Variants in ZC3H11B observed in about 807,000 individuals in gnomAD.
ZC3H11B encodes the protein zinc finger CCCH domain-containing protein 11B.
Under a neutral mutation model 34.0 loss-of-function variants are expected in ZC3H11B, and 3 were observed. The observed-to-expected ratio is 0.09, with a 90% CI of 0.04 to 0.23. The LOEUF (loss-of-function observed/expected upper bound fraction) is 0.23. ZC3H11B is among the 10% of genes least tolerant of loss of function. ZC3H11B has a pLI of 1.00. For missense variants in ZC3H11B, 99 were observed against 660.1 expected (o/e 0.15, Z 9.31); for synonymous variants, 33 against 250.1 (o/e 0.13, Z 8.19).
At chr1:219,609,893 T>C (rs1250503989) in exon 2 of ZC3H11B, 7 of 1,614,034 alleles carry the variant, frequency 4.3e-6, no homozygotes, top group Non-Finnish European at 5.9e-6. Context: ...AGACTGTCTC[T>C]AGGATTTTCT....
exon 2 of ZC3H11B, chr1:219,609,473 G>A (rs1667965583): frequency 1.8e-6 from 1 of 552,552 alleles, no homozygotes; most frequent in Admixed American, 3.3e-5. Flanking sequence ...TGACCCCAAG[G>A]AATCCAGGAC....
At chr1:219,608,744 T>C (rs974886104) in exon 2 of ZC3H11B, 8 of 152,536 alleles carry the variant, frequency 5.2e-5, no homozygotes, top group African/African-American at 1.4e-4. Flanking sequence ...ACCACATAAA[T>C]ACTGGGCAAC....
chr1:219,609,026 G>A (rs1464839771), exon 2 of ZC3H11B: 2 of 153,576 alleles, frequency 1.3e-5, no homozygotes, highest in African/African-American at 4.9e-5. Context: ...GGCCAACAGA[G>A]CAGCAGAAGC....
At chr1:219,609,387 A>G in exon 2 of ZC3H11B, 1 of 509,518 alleles carries the variant, frequency 2.0e-6, no homozygotes, top group South Asian at 2.2e-5. Flanking sequence ...GAAGGGTATG[A>G]CAGAACTTTT....
exon 2 of ZC3H11B, chr1:219,608,697 G>A (rs1370167818): frequency 6.6e-6 from 1 of 151,782 alleles, no homozygotes; most frequent in East Asian, 1.9e-4. Flanking sequence ...TTGGCAGCTT[G>A]AATAAGCTCA....
chr1:219,610,864 G>A, exon 2 of ZC3H11B: 1 of 555,008 alleles, frequency 1.8e-6, no homozygotes, highest in Non-Finnish European at 3.0e-6. Flanking sequence ...GATACGGATA[G>A]TGGAGGAGCT....
exon 2 of ZC3H11B, among the ~76,000 whole-genome samples, chr1:219,608,192 G>A (rs1400155669): frequency 2.6e-5 from 4 of 152,114 alleles, no homozygotes; most frequent in Non-Finnish European, 4.4e-5. Flanking sequence ...GCTGAAGATG[G>A]ATTGGTAGAG....
chr1:219,611,664 A>AG lies in ZC3H11B; in HGVS notation c.398dup (p.Gln134SerfsTer16). The AG allele has an allele frequency of 2.5e-6, 4 of 1,612,484 alleles. No individual in the cohort carries two copies. The highest frequency in any genetic ancestry group is 3.4e-6 in the Non-Finnish European group (4 of 1,179,718). On this transcript the variant is annotated frameshift_variant, in exon 2 of 2. Transcript: ENST00000651890. LOFTEE classifies it high-confidence loss of function. The stretch of plus-strand genomic sequence containing the variant: ...CTACTTTCATAACGCTCCGCAGCTG[A>AG]GGGGAAGTATTGGACTGGACAGACA...
At chr1:219,608,373 A>G (rs1325355770) in exon 2 of ZC3H11B, 3 of 152,708 alleles carry the variant, frequency 2.0e-5, no homozygotes, top group Non-Finnish European at 4.4e-5. Flanking sequence ...TTAGGAGCCA[A>G]CATGACAGGT....
chr1:219,608,577 A>T (rs1031070331), exon 2 of ZC3H11B: 1 of 152,106 alleles, frequency 6.6e-6, no homozygotes, highest in Non-Finnish European at 1.5e-5. Context: ...AGAAGAGAAA[A>T]CCCAATTCAG....
chr1:219,609,710 T>C, exon 2 of ZC3H11B: 2 of 1,515,322 alleles, frequency 1.3e-6, no homozygotes, highest in Non-Finnish European at 1.8e-6. Flanking sequence ...GCTTCCAATT[T>C]GCCTCCTGAA....
intron 1 of ZC3H11B, 65 bp downstream of exon 1, chr1:219,612,866 C>CTT (rs1458214594): frequency 3.4e-6 from 1 of 296,782 alleles, no homozygotes; most frequent in Non-Finnish European, 5.7e-6. Context: ...CCCTGTTGCT[C>CTT]TTGACTCCCA....
At chr1:219,609,168 T>G (rs2102509310) in exon 2 of ZC3H11B, 1 of 188,462 alleles carries the variant, frequency 5.3e-6, no homozygotes, top group East Asian at 1.5e-4. Context: ...AGTGGGTATT[T>G]TTGTTTAGTG....
Position 219,609,889 on chromosome 1 carries a change from T to C in ZC3H11B, c.2174A>G (p.Asp725Gly). ...CTGGGTTGGAGGCAGCACAAGACTG[T>C]CTCTAGGATTTTCTGCTTCAGGCAC... Residue 725 changes from aspartate to glycine, a missense_variant, in exon 2 of 2, where the codon GAC (aspartate) becomes GGC (glycine). By Grantham distance (94) the Asp-to-Gly change is moderately conservative (BLOSUM62 -1). Coordinates refer to ENST00000651890, the Ensembl canonical transcript of ZC3H11B. 1.9e-6 allele frequency: 3 copies of C among 1,614,176 alleles called. No homozygotes were observed. In the South Asian group the frequency reaches 3.3e-5, roughly 18 times the overall value.
exon 2 of ZC3H11B, among the ~76,000 whole-genome samples, chr1:219,608,139 C>A (rs1321205551): frequency 6.6e-6 from 1 of 152,016 alleles, no homozygotes; most frequent in African/African-American, 2.4e-5. Flanking sequence ...CCTGAACATT[C>A]TACCCCTGCT....
chr1:219,609,324 G>C (rs1667963565), exon 2 of ZC3H11B: 1 of 407,608 alleles, frequency 2.5e-6, no homozygotes, highest in Non-Finnish European at 4.5e-6. Flanking sequence ...GAGTCACTAA[G>C]TTTGCTTGCA....
chr1:219,608,787 T>A (rs574615096), exon 2 of ZC3H11B: 1 of 152,586 alleles, frequency 6.6e-6, no homozygotes, highest in Non-Finnish European at 1.5e-5. Flanking sequence ...AAATAAAAAA[T>A]TAACCAAATT....
chr1:219,609,865 T>A (rs1390831055), exon 2 of ZC3H11B: 2 of 1,614,156 alleles, frequency 1.2e-6, no homozygotes, highest in Non-Finnish European at 1.7e-6. Context: ...TGAAGAGGAC[T>A]GGGTTGGAGG....
At chr1:219,611,150 G>T in exon 2 of ZC3H11B, 1 of 1,613,882 alleles carries the variant, frequency 6.2e-7, no homozygotes, top group Non-Finnish European at 8.5e-7. Context: ...CCTAGCCTCT[G>T]TGCCAGGCTA....
Sources: allele counts gnomAD v4.1 joint callset (sites outside exome capture counted in the v4.1 genomes callset), GRCh38; gene constraint gnomAD v4.1.1; transcripts MANE v1.5; gene names NCBI Gene and HGNC (gene_info 2026-07-23, HGNC 2026-07-21).